Variants in TMEM74 observed in about 807,000 individuals in gnomAD.
TMEM74 encodes the protein transmembrane protein 74.
TMEM74 carries 13 observed loss-of-function variants against 18.1 expected under a neutral mutation model. That is an observed-to-expected ratio of 0.72 (90% CI 0.47 to 1.14). The LOEUF is 1.14. TMEM74 is among the 50% of genes most tolerant of loss of function. The pLI is 0.00. For missense variants in TMEM74, 372 were observed against 375.9 expected, an observed-to-expected ratio of 0.99 and a Z score of 0.09; for synonymous variants, 159 against 146.6, an observed-to-expected ratio of 1.08 and a Z score of -0.61.
intron 1 of TMEM74, among the ~76,000 whole-genome samples, chr8:108,701,636 C>A (rs139935867): frequency 6.6e-6 from 1 of 152,228 alleles, no homozygotes; most frequent in African/African-American, 2.4e-5. Flanking sequence ...AGCACAATAT[C>A]ATTTAAAATA....
chr8:108,767,208 A>G (rs988060426), intron 1 of TMEM74, among the ~76,000 whole-genome samples: 1 of 152,212 alleles, frequency 6.6e-6, no homozygotes. Flanking sequence ...CAGAATGTCA[A>G]AAACCTAAAC....
chr8:108,737,393 G>T (rs1009621693), intron 1 of TMEM74, among the ~76,000 whole-genome samples: 2 of 152,014 alleles, frequency 1.3e-5, no homozygotes, highest in African/African-American at 4.8e-5. Flanking sequence ...AAATCAACTT[G>T]GTAACATTTT....
chr8:108,618,395 T>C (rs1812407103), intron 2 of TMEM74, among the ~76,000 whole-genome samples: 1 of 152,160 alleles, frequency 6.6e-6, no homozygotes, highest in Non-Finnish European at 1.5e-5. Context: ...AACTTCACTG[T>C]AAATGGAAAA....
chr8:108,690,006 T>C (rs1441585295), intron 1 of TMEM74, among the ~76,000 whole-genome samples: 2 of 152,204 alleles, frequency 1.3e-5, no homozygotes, highest in African/African-American at 4.8e-5. Context: ...CTTTTTTATA[T>C]GTCTGTGTCT....
chr8:108,682,316 A>G lies in TMEM74; in HGVS notation n.120-26879T>C, dbSNP rs181894656. Among the ~76,000 whole-genome samples, 209 of 152,086 alleles carry G rather than the reference A, an allele frequency of 1.4e-3. 1 individual carries two copies. Among genetic ancestry groups the G allele is most frequent in the African/African-American group, 4.8e-3 (199 of 41,534 alleles). On this transcript the variant is annotated intron_variant and non_coding_transcript_variant, in intron 1 of 3. Transcript: ENST00000518838. ...GCTGCCTTCACTTTTTACCTACCTA[A>G]CATCTATCATCATTCTTAACTTAAA...
intron 1 of TMEM74, among the ~76,000 whole-genome samples, chr8:108,688,451 G>A (rs1460096698): frequency 6.6e-6 from 1 of 152,180 alleles, no homozygotes. Flanking sequence ...GCAGCTAGGG[G>A]AGCAAGGGCT....
intron 1 of TMEM74, among the ~76,000 whole-genome samples, chr8:108,707,631 G>A (rs1244300599): frequency 6.6e-6 from 1 of 152,092 alleles, no homozygotes; most frequent in Non-Finnish European, 1.5e-5. Flanking sequence ...GTGAAAACTG[G>A]ATATACACAT....
At position 108,744,405 on chromosome 8, in the gene TMEM74, A is replaced by G. The variant is rs113050527; in HGVS notation, n.119+43071T>C. ...TGCCTCCGGGAAAAACACAAGACAC[A>G]GGCACTTCTGTGGCTGTTTTTACTA... On this transcript the variant is annotated intron_variant and non_coding_transcript_variant, in intron 1 of 3. Transcript: ENST00000518838. Among the ~76,000 whole-genome samples the G allele has an allele frequency of 6.7e-3, 1,014 of 152,272 alleles. 8 individuals are homozygous for G. The highest frequency in any genetic ancestry group is 0.023 in the African/African-American group (963 of 41,558).
intron 2 of TMEM74, among the ~76,000 whole-genome samples, chr8:108,623,322 A>G (rs1812461251): frequency 6.6e-6 from 1 of 152,092 alleles, no homozygotes; most frequent in African/African-American, 2.4e-5. Flanking sequence ...TAAGCAAAAC[A>G]AACAAACCCT....
intron 3 of TMEM74, chr8:108,608,698 C>G (rs1164684968): frequency 6.6e-6 from 1 of 152,146 alleles, no homozygotes; most frequent in South Asian, 2.1e-4. Flanking sequence ...TTGTGTCAGT[C>G]TTGTAGTGCC....
chr8:108,757,469 C>G (rs1359964161), intron 1 of TMEM74, among the ~76,000 whole-genome samples: 1 of 152,050 alleles, frequency 6.6e-6, no homozygotes, highest in East Asian at 1.9e-4. Context: ...AAATATTATA[C>G]TATTGTGAAT....
chr8:108,650,851 T>C (rs1444758803), intron 2 of TMEM74, among the ~76,000 whole-genome samples: 3 of 151,910 alleles, frequency 2.0e-5, no homozygotes, highest in Non-Finnish European at 4.4e-5. Flanking sequence ...GCTGGGATTA[T>C]AGGCACCTGC....
intron 1 of TMEM74, among the ~76,000 whole-genome samples, chr8:108,684,138 C>A (rs1813144549): frequency 6.6e-6 from 1 of 152,096 alleles, no homozygotes; most frequent in South Asian, 2.1e-4. Flanking sequence ...GTTGCTGGAT[C>A]ATATGGTAGT....
intron 1 of TMEM74, among the ~76,000 whole-genome samples, chr8:108,723,047 A>C (rs1813601067): frequency 6.6e-6 from 1 of 152,178 alleles, no homozygotes; most frequent in Non-Finnish European, 1.5e-5. Context: ...AGGGCTGAGC[A>C]CACACGCATC....
chr8:108,754,074 T>C (rs1355990384), intron 1 of TMEM74, among the ~76,000 whole-genome samples: 1 of 152,120 alleles, frequency 6.6e-6, no homozygotes, highest in East Asian at 1.9e-4. Context: ...GCTTATACAT[T>C]GGGAACCTCT....
chr8:108,654,495 A>T (rs1486740434), intron 2 of TMEM74, among the ~76,000 whole-genome samples: 1 of 152,154 alleles, frequency 6.6e-6, no homozygotes, highest in East Asian at 1.9e-4. Context: ...AAGGGAAAAA[A>T]CACATAAACC....
chr8:108,627,225 C>G (rs972106231), intron 2 of TMEM74, among the ~76,000 whole-genome samples: 21 of 151,998 alleles, frequency 1.4e-4, no homozygotes, highest in African/African-American at 5.1e-4. Flanking sequence ...CTCCCTCCTC[C>G]CACACTTCCA....
intron 1 of TMEM74, among the ~76,000 whole-genome samples, chr8:108,666,929 A>C (rs748732794): frequency 2.6e-5 from 4 of 152,144 alleles, no homozygotes; most frequent in Non-Finnish European, 4.4e-5. Flanking sequence ...ATTTTTGTTC[A>C]AACTTATTTT....
intron 1 of TMEM74, among the ~76,000 whole-genome samples, chr8:108,665,604 T>C (rs1190336807): frequency 6.6e-6 from 1 of 152,114 alleles, no homozygotes; most frequent in Non-Finnish European, 1.5e-5. Context: ...AGTCAAAGAA[T>C]GGTAAATGGA....
Sources: allele counts gnomAD v4.1 joint callset (sites outside exome capture counted in the v4.1 genomes callset), GRCh38; gene constraint gnomAD v4.1.1; transcripts MANE v1.5; gene names NCBI Gene and HGNC (gene_info 2026-07-23, HGNC 2026-07-21).